Variants in SYNPO2 observed in about 807,000 individuals in gnomAD.
SYNPO2 encodes synaptopodin 2, also known as synaptopodin-2.
SYNPO2 carries 56 observed loss-of-function variants against 85.0 expected under a neutral mutation model. The ratio of observed to expected loss-of-function variants is 0.66; its 90% CI spans 0.53 to 0.82. The LOEUF is 0.82. Among genes scored for constraint, SYNPO2 ranks in the 40% least tolerant of loss-of-function variants. SYNPO2 has a pLI of 0.00. For synonymous variants in SYNPO2, 602 were observed against 591.1 expected (o/e 1.02, Z -0.27); for missense variants, 1,575 against 1,534.2 (o/e 1.03, Z -0.44).
intron 1 of SYNPO2, among the ~76,000 whole-genome samples, chr4:119,004,414 C>A (rs1452771568): frequency 6.9e-6 from 1 of 144,348 alleles, no homozygotes; most frequent in African/African-American, 2.6e-5. Context: ...GTGTGATGTT[C>A]CCCTTCCTGT....
chr4:118,982,257 GA>G (rs1178330276), intron 1 of SYNPO2, among the ~76,000 whole-genome samples: 2 of 151,226 alleles, frequency 1.3e-5, no homozygotes, highest in East Asian at 1.9e-4. Context: ...AAGTGCTATT[GA>G]AAAAAAAGAT....
intron 4 of SYNPO2, chr4:119,037,512 T>C: frequency 3.0e-6 from 3 of 1,004,840 alleles, no homozygotes; most frequent in Non-Finnish European, 3.6e-6. Context: ...TCTTTGATAC[T>C]TTTATTTGGT....
chr4:119,031,565 G>A lies in SYNPO2; in HGVS notation c.2790G>A (p.Ser930=), dbSNP rs760463127. ...PPPVAYNPIH[S]PSYPLAALKS... ...CTGTGGCCTATAATCCTATCCACTC[G>A]CCGTCTTACCCACTGGCTGCTCTCA... The change falls in exon 4 of 5, where the codon TCG becomes TCA. Residue 930 remains serine (S), a synonymous_variant. Coordinates refer to ENST00000307142, the MANE Select transcript of SYNPO2 (RefSeq NM_133477.3). The A allele has an allele frequency of 8.7e-6, 14 of 1,613,874 alleles. No homozygotes were observed. The highest frequency in any genetic ancestry group is 4.0e-5 in the African/African-American group (3 of 74,834).
intron 4 of SYNPO2, chr4:119,033,609 G>A: frequency 1.0e-6 from 1 of 985,382 alleles, no homozygotes; most frequent in Non-Finnish European, 1.2e-6. Context: ...AAACTTGCCT[G>A]GTTTGAGGGT....
intron 4 of SYNPO2, chr4:119,035,314 G>GT (rs1738463973): frequency 6.1e-6 from 6 of 985,320 alleles, no homozygotes; most frequent in Non-Finnish European, 7.2e-6. Context: ...CCATGGACAT[G>GT]TAAGTACAGC....
chr4:118,939,261 G>A (rs1198832614), intron 1 of SYNPO2, among the ~76,000 whole-genome samples: 1 of 152,202 alleles, frequency 6.6e-6, no homozygotes, highest in Non-Finnish European at 1.5e-5. Flanking sequence ...TAACCGTCGT[G>A]TCCTATTTAG....
intron 1 of SYNPO2, among the ~76,000 whole-genome samples, chr4:118,880,506 T>A (rs1173008097): frequency 2.0e-5 from 3 of 152,162 alleles, no homozygotes; most frequent in African/African-American, 7.2e-5. Context: ...TCCCAGCACT[T>A]TGGGAGGCTG....
chr4:118,940,288 C>T (rs1224488872), intron 1 of SYNPO2, among the ~76,000 whole-genome samples: 1 of 151,900 alleles, frequency 6.6e-6, no homozygotes, highest in African/African-American at 2.4e-5. Flanking sequence ...CGCCTGGCCG[C>T]CTTTTCTCTC....
At chr4:118,912,957 C>A (rs983019082) in intron 1 of SYNPO2, among the ~76,000 whole-genome samples, 1 of 152,084 alleles carries the variant, frequency 6.6e-6, no homozygotes, top group Admixed American at 6.6e-5. Flanking sequence ...GGGTCTATGA[C>A]CATTAGAAGA....
At chr4:118,855,333 C>G (rs576814332) in intron 1 of SYNPO2, among the ~76,000 whole-genome samples, 19 of 152,166 alleles carry the variant, frequency 1.2e-4, no homozygotes, top group African/African-American at 4.6e-4. Context: ...AAGAATCTCA[C>G]AGACAATTTG....
chr4:118,975,410 G>C (rs1157168772), intron 1 of SYNPO2, among the ~76,000 whole-genome samples: 1 of 152,162 alleles, frequency 6.6e-6, no homozygotes, highest in East Asian at 1.9e-4. Flanking sequence ...GTGGGAATAG[G>C]CTGGCATATG....
intron 1 of SYNPO2, among the ~76,000 whole-genome samples, chr4:118,903,360 C>G (rs531227050): frequency 1.3e-5 from 2 of 152,198 alleles, no homozygotes; most frequent in South Asian, 4.1e-4. Flanking sequence ...AGTAATCATG[C>G]AGTAAAGGGG....
rs71595334 is a variant in SYNPO2 at position 118,933,829 on chromosome 4, G to GTTTTTTTTTT, written c.105+44696_105+44705dup. Among the ~76,000 whole-genome samples the GTTTTTTTTTT allele has an allele frequency of 5.0e-4, 51 of 102,274 alleles. 4 individuals carry two copies. The highest frequency in any genetic ancestry group is 1.6e-3 in the East Asian group (5 of 3,058). The allele number at this position is 102,274 out of a possible 152,430, so 67.1% of individuals were successfully genotyped here. A position where few individuals can be genotyped will look rare whatever the true frequency, so the allele number is the denominator to read the frequency against. On this transcript the variant is annotated intron_variant, in intron 1 of 4. Transcript: ENST00000307142. Reference sequence around the variant, plus strand: ...ATAGCTGCTTTTTGCTGTTGTTGTTGTTTTTTTTTTTTTTTTTGGACAGTA... The same window carrying GTTTTTTTTTT: ...ATAGCTGCTTTTTGCTGTTGTTGTTGTTTTTTTTTTTTTTTTTTTTTTTTTTTGGACAGTA...
At chr4:118,866,623 A>T (rs1731703178) in intron 1 of SYNPO2, among the ~76,000 whole-genome samples, 1 of 152,144 alleles carries the variant, frequency 6.6e-6, no homozygotes, top group Non-Finnish European at 1.5e-5. Flanking sequence ...CCCAAATCTC[A>T]TGTTGAATTG....
intron 3 of SYNPO2, among the ~76,000 whole-genome samples, chr4:119,029,296 A>G (rs1738112239): frequency 6.6e-6 from 1 of 152,104 alleles, no homozygotes; most frequent in African/African-American, 2.4e-5. Flanking sequence ...TTGTCAGGGT[A>G]AAAAAAGAAA....
intron 1 of SYNPO2, among the ~76,000 whole-genome samples, chr4:118,860,554 TTTTTTTTG>T (rs934151215): frequency 1.5e-5 from 1 of 65,768 alleles, no homozygotes; most frequent in African/African-American, 7.9e-5. Flanking sequence ...TCTTTTGCCT[TTTTTTTTG>T]TTTTTTTTTT....
intron 1 of SYNPO2, among the ~76,000 whole-genome samples, chr4:118,978,792 GACACACACAC>G (rs5861400): frequency 0.018 from 2,665 of 148,384 alleles, 41 homozygotes; most frequent in African/African-American, 0.044. Context: ...CTCCTGCCAT[GACACACACAC>G]ACACACACAC....
Position 118,924,474 on chromosome 4 carries a change from C to T in SYNPO2, c.105+35333C>T, listed in dbSNP as rs28399902. On this transcript the variant is annotated intron_variant, in intron 1 of 4. Coordinates refer to ENST00000307142, the MANE Select transcript of SYNPO2 (RefSeq NM_133477.3). The stretch of plus-strand genomic sequence containing the variant: ...TTCCCCAAACATGCATTCTGTACAT[C>T]GGCAACACAGAAGTTACTAGGGGAC... Among the ~76,000 whole-genome samples, 824 of 152,268 alleles carry T rather than the reference C, an allele frequency of 5.4e-3. 7 individuals carry two copies. Among genetic ancestry groups the T allele is most frequent in the African/African-American group, 0.018 (757 of 41,560 alleles).
At chr4:118,917,859 G>C (rs975613804) in intron 1 of SYNPO2, among the ~76,000 whole-genome samples, 1 of 152,114 alleles carries the variant, frequency 6.6e-6, no homozygotes, top group African/African-American at 2.4e-5. Flanking sequence ...AAATACTTTG[G>C]TATAATGTAA....
Sources: allele counts gnomAD v4.1 joint callset (sites outside exome capture counted in the v4.1 genomes callset), GRCh38; gene constraint gnomAD v4.1.1; transcripts MANE v1.5; gene names NCBI Gene and HGNC (gene_info 2026-07-23, HGNC 2026-07-21).